Variants in TMCC1 observed in about 807,000 individuals in gnomAD.
TMCC1 encodes transmembrane and coiled-coil domain family 1.
TMCC1 carries 15 observed loss-of-function variants against 52.4 expected under a neutral mutation model. The ratio of observed to expected loss-of-function variants is 0.29; its 90% confidence interval spans 0.19 to 0.44. The LOEUF is 0.44. Ranked by LOEUF, TMCC1 falls within the 20% of genes least tolerant of loss-of-function variation. TMCC1 has a pLI of 1.00. For synonymous variants in TMCC1, 279 were observed against 301.9 expected, an observed-to-expected ratio of 0.92 and a Z score of 0.79; for missense variants, 503 against 806.0, an observed-to-expected ratio of 0.62 and a Z score of 4.55.
chr3:129,797,481 C>T (rs1370700211), intron 4 of TMCC1, among the ~76,000 whole-genome samples: 1 of 152,130 alleles, frequency 6.6e-6, no homozygotes, highest in African/African-American at 2.4e-5. Context: ...TGTGCTTATG[C>T]CTGTGATCCC....
intron 4 of TMCC1, among the ~76,000 whole-genome samples, chr3:129,719,435 T>G (rs1185400100): frequency 6.6e-6 from 1 of 152,192 alleles, no homozygotes; most frequent in Admixed American, 6.5e-5. Flanking sequence ...TGTAAGCCAC[T>G]CTAGCAAATT....
At chr3:129,745,561 C>A (rs529722098) in intron 4 of TMCC1, among the ~76,000 whole-genome samples, 1 of 152,314 alleles carries the variant, frequency 6.6e-6, no homozygotes, top group East Asian at 1.9e-4. Flanking sequence ...TCCTAAGGAT[C>A]TTAGCCACTC....
At position 129,651,888 on chromosome 3, in the gene TMCC1, CA is replaced by C; in HGVS notation, c.1648-94del. 7.7e-7 allele frequency: 1 copy of C among 1,297,704 alleles called. No homozygotes were observed. Among genetic ancestry groups the C allele is most frequent in the South Asian group, 1.5e-5 (1 of 68,696 alleles). 80.4% of individuals were successfully genotyped at this position (1,297,704 alleles called of 1,614,324 possible). The stretch of plus-strand genomic sequence containing the variant: ...CTGGGCAAGCCAGATGCATCTTGAG[CA>C]ATGCCAATGATTTTATAAATATGCT... On this transcript the variant is annotated intron_variant, in intron 6 of 6. Coordinates refer to ENST00000393238, the MANE Select transcript of TMCC1 (RefSeq NM_001017395.5). This position sits in a 1 kb window ranked among gnomAD's most constrained non-coding sequence, Gnocchi z 5.1.
chr3:129,772,102 T>C (rs145066976), intron 4 of TMCC1, among the ~76,000 whole-genome samples: 138 of 152,314 alleles, frequency 9.1e-4, no homozygotes, highest in Middle Eastern at 3.4e-3. Context: ...TCCACACCTG[T>C]AATCCCACCA....
chr3:129,731,072 A>G (rs2050500230), intron 4 of TMCC1, among the ~76,000 whole-genome samples: 2 of 152,338 alleles, frequency 1.3e-5, no homozygotes, highest in South Asian at 4.1e-4. Context: ...CAGCAGACCA[A>G]TAGCCCTCAT....
intron 2 of TMCC1, among the ~76,000 whole-genome samples, chr3:129,851,577 AGC>A (rs1364013125): frequency 1.3e-5 from 2 of 152,204 alleles, no homozygotes; most frequent in South Asian, 2.1e-4. Context: ...CTATCAGGAA[AGC>A]AGAAAGTTTA....
intron 4 of TMCC1, among the ~76,000 whole-genome samples, chr3:129,734,993 C>T (rs2050834534): frequency 6.6e-6 from 1 of 151,500 alleles, no homozygotes; most frequent in Non-Finnish European, 1.5e-5. Context: ...AGCTCCGTCT[C>T]CGGGTTCATG....
intron 5 of TMCC1, among the ~76,000 whole-genome samples, chr3:129,659,825 G>T (rs1220624741): frequency 6.6e-6 from 1 of 152,094 alleles, no homozygotes; most frequent in Non-Finnish European, 1.5e-5. Context: ...CTCAGTCCAG[G>T]TTTTGGATTA....
rs1032412595 is a variant in TMCC1 at position 129,681,130 on chromosome 3, T to C, written c.577-9866A>G. Among the ~76,000 whole-genome samples the C allele has an allele frequency of 3.3e-5, 5 of 152,152 alleles. No homozygotes were observed. The South Asian group carries it at 1.0e-3, about 31-fold the overall frequency. ...TTTAATATGTAAAATGTGTATATTA[T>C]AATATTTATGGCATTTTCCAAACAT... is the stretch of plus-strand genomic sequence containing the variant. On this transcript the variant is annotated intron_variant, in intron 4 of 6. Transcript: ENST00000393238.
intron 4 of TMCC1, among the ~76,000 whole-genome samples, chr3:129,752,040 A>G (rs1377709128): frequency 6.6e-6 from 1 of 152,218 alleles, no homozygotes; most frequent in Non-Finnish European, 1.5e-5. Flanking sequence ...ATAATCTAAA[A>G]GTTTGCACTA....
At chr3:129,763,205 A>AAAAAAAT (rs1258534569) in intron 4 of TMCC1, among the ~76,000 whole-genome samples, 1 of 127,878 alleles carries the variant, frequency 7.8e-6, no homozygotes, top group African/African-American at 3.8e-5. Context: ...CTCAAAAAAT[A>AAAAAAAT]AAAAATAAAT....
At chr3:129,725,681 T>C (rs568733972) in intron 4 of TMCC1, among the ~76,000 whole-genome samples, 52 of 149,710 alleles carry the variant, frequency 3.5e-4, no homozygotes, top group Middle Eastern at 3.5e-3. Context: ...ACTTTGAACA[T>C]TGATTTTTTT....
chr3:129,890,120 A>G (rs780952507), intron 1 of TMCC1, among the ~76,000 whole-genome samples: 4 of 152,190 alleles, frequency 2.6e-5, no homozygotes, highest in Non-Finnish European at 4.4e-5. Context: ...CTCTCTCCAT[A>G]ATATCTTTAA....
At chr3:129,738,273 C>CA (rs575044593) in intron 4 of TMCC1, among the ~76,000 whole-genome samples, 87,871 of 118,750 alleles carry the variant, frequency 0.74, 32,064 homozygotes, top group Non-Finnish European at 0.82. Context: ...TCCGCCTAAA[C>CA]AAAAAAAAAA....
intron 2 of TMCC1, among the ~76,000 whole-genome samples, chr3:129,838,496 C>G (rs541095735): frequency 2.6e-4 from 40 of 152,036 alleles, no homozygotes; most frequent in African/African-American, 9.6e-4. Context: ...TGGCTCATGC[C>G]TGTAATCCAA....
chr3:129,665,131 G>C (rs1410102110), intron 5 of TMCC1, among the ~76,000 whole-genome samples: 1 of 152,216 alleles, frequency 6.6e-6, no homozygotes, highest in African/African-American at 2.4e-5. Flanking sequence ...ACTCATAGCT[G>C]AATGCACAAT....
intron 2 of TMCC1, among the ~76,000 whole-genome samples, chr3:129,838,249 C>CA (rs903106465): frequency 6.6e-6 from 1 of 151,446 alleles, no homozygotes; most frequent in Non-Finnish European, 1.5e-5. Flanking sequence ...TAAAAATAAA[C>CA]AAAAAAATCA....
chr3:129,860,663 G>A (rs9289345), intron 2 of TMCC1, among the ~76,000 whole-genome samples: 146,586 of 151,772 alleles, frequency 0.97, 70,975 homozygotes, highest in Non-Finnish European at 1. Context: ...GCAATGGTGC[G>A]ATCTCAGCTC....
At chr3:129,675,833 C>T (rs1474011300) in intron 4 of TMCC1, among the ~76,000 whole-genome samples, 3 of 151,892 alleles carry the variant, frequency 2.0e-5, no homozygotes, top group African/African-American at 7.3e-5. Flanking sequence ...GTCAGGAGAT[C>T]GAGACCATCC....
Sources: gnomAD v4.1 joint callset for allele counts (sites outside exome capture counted in the v4.1 genomes callset) on GRCh38, gnomAD v4.1.1 for gene constraint, Gnocchi (gnomAD v3.1) non-coding constraint, MANE v1.5 for transcripts, NCBI Gene and HGNC (gene_info 2026-07-23, HGNC 2026-07-21) for gene names.